CLSTN2: variants seen among roughly 807,000 people sequenced by gnomAD.
The protein encoded by CLSTN2 is calsyntenin-2.
CLSTN2 carries 48 observed loss-of-function variants against 101.2 expected under a neutral mutation model. The ratio of observed to expected loss-of-function variants is 0.47; its 90% confidence interval spans 0.38 to 0.60. The LOEUF (loss-of-function observed/expected upper bound fraction) is 0.60, where lower values mean the gene tolerates loss of function less well. Ranked by LOEUF, CLSTN2 falls within the 20% of genes least tolerant of loss-of-function variation. CLSTN2 has a pLI of 0.00. For synonymous variants in CLSTN2, 481 were observed against 463.6 expected, an observed-to-expected ratio of 1.04 and a Z score of -0.48; for missense variants, 1,160 against 1,238.2, an observed-to-expected ratio of 0.94 and a Z score of 0.95.
rs896645214 is a variant in CLSTN2, at chr3:140,049,972, C to G, written c.109+114489C>G. Among the ~76,000 whole-genome samples the G allele has an allele frequency of 3.9e-5, 6 of 152,178 alleles. No homozygotes were observed. The East Asian group carries it at 1.2e-3, about 29-fold the overall frequency. On this transcript the variant is annotated intron_variant, in intron 1 of 16. Transcript: ENST00000458420. Reference sequence around the variant, plus strand: ...TCTGAGTTCACCTTCTCTCTTGCTTCTGGCTGGGTTTAACCAAAGGAAGGT... The same window carrying G: ...TCTGAGTTCACCTTCTCTCTTGCTTGTGGCTGGGTTTAACCAAAGGAAGGT...
At chr3:140,105,981 C>T (rs144614810) in intron 1 of CLSTN2, among the ~76,000 whole-genome samples, 10 of 152,246 alleles carry the variant, frequency 6.6e-5, no homozygotes, top group African/African-American at 1.9e-4. Flanking sequence ...GCATGGTGGG[C>T]CTGGTTTTAT....
chr3:139,938,214 C>G (rs1935064135), intron 1 of CLSTN2, among the ~76,000 whole-genome samples: 1 of 150,832 alleles, frequency 6.6e-6, no homozygotes, highest in Non-Finnish European at 1.5e-5. Flanking sequence ...TCGTACAATT[C>G]TGTATTCATG....
chr3:139,944,734 T>C (rs898147033), intron 1 of CLSTN2, among the ~76,000 whole-genome samples: 1 of 152,252 alleles, frequency 6.6e-6, no homozygotes, highest in Non-Finnish European at 1.5e-5. Context: ...TGCAGGGCTC[T>C]GTGCCCATGT....
intron 1 of CLSTN2, among the ~76,000 whole-genome samples, chr3:139,975,039 A>AT (rs1312198703): frequency 6.6e-6 from 1 of 152,142 alleles, no homozygotes; most frequent in Non-Finnish European, 1.5e-5. Context: ...GGATATCTCT[A>AT]TGGAGGAGGA....
At chr3:139,958,012 G>A (rs1349269542) in intron 1 of CLSTN2, among the ~76,000 whole-genome samples, 1 of 152,156 alleles carries the variant, frequency 6.6e-6, no homozygotes, top group Non-Finnish European at 1.5e-5. Context: ...GCAGCTGTGA[G>A]GCCCCCGGTT....
chr3:140,201,647 C>T (rs1241639406), intron 2 of CLSTN2, among the ~76,000 whole-genome samples: 3 of 152,060 alleles, frequency 2.0e-5, no homozygotes, highest in South Asian at 2.1e-4. Context: ...ATTTATTAAG[C>T]ACCTACTGTG....
chr3:140,080,368 A>G (rs2008575438), intron 1 of CLSTN2, among the ~76,000 whole-genome samples: 1 of 152,226 alleles, frequency 6.6e-6, no homozygotes, highest in Non-Finnish European at 1.5e-5. Context: ...AGGACTTCAA[A>G]AGAAGTGACT....
intron 2 of CLSTN2, among the ~76,000 whole-genome samples, chr3:140,354,216 T>C (rs1158118854): frequency 1.3e-5 from 2 of 152,300 alleles, no homozygotes; most frequent in East Asian, 1.9e-4. Flanking sequence ...CCTGGTTCCA[T>C]AGGATGTTAC....
chr3:140,032,769 G>A (rs2007580872), intron 1 of CLSTN2, among the ~76,000 whole-genome samples: 1 of 152,228 alleles, frequency 6.6e-6, no homozygotes, highest in African/African-American at 2.4e-5. Flanking sequence ...CTGTTGGTTA[G>A]TCATCTGTGT....
intron 1 of CLSTN2, among the ~76,000 whole-genome samples, chr3:140,124,636 G>C (rs1576435927): frequency 6.6e-6 from 1 of 152,164 alleles, no homozygotes; most frequent in Non-Finnish European, 1.5e-5. Flanking sequence ...AGAAGATTGG[G>C]CCAGGAGGAG....
chr3:140,189,380 G>GA (rs1367291482), intron 2 of CLSTN2, among the ~76,000 whole-genome samples: 1 of 152,112 alleles, frequency 6.6e-6, no homozygotes, highest in African/African-American at 2.4e-5. Flanking sequence ...GTGTATAAGT[G>GA]ATACAGTTTC....
intron 7 of CLSTN2, among the ~76,000 whole-genome samples, chr3:140,463,345 C>T (rs1452081100): frequency 6.6e-6 from 1 of 152,212 alleles, no homozygotes; most frequent in African/African-American, 2.4e-5. Context: ...AGAGAGGGGC[C>T]AACCTTGTTC....
At chr3:140,338,067 T>C (rs2087459602) in intron 2 of CLSTN2, among the ~76,000 whole-genome samples, 1 of 152,080 alleles carries the variant, frequency 6.6e-6, no homozygotes, top group South Asian at 2.1e-4. Context: ...TTTCTAGGCT[T>C]TTTCCCTCAG....
chr3:140,166,231 G>A (rs1467386110), intron 1 of CLSTN2, among the ~76,000 whole-genome samples: 2 of 152,130 alleles, frequency 1.3e-5, no homozygotes, highest in Admixed American at 6.5e-5. Flanking sequence ...AAAGTTTCAA[G>A]GTCTAATACA....
intron 2 of CLSTN2, among the ~76,000 whole-genome samples, chr3:140,219,054 C>T (rs886263008): frequency 3.3e-5 from 5 of 152,070 alleles, no homozygotes; most frequent in Admixed American, 2.6e-4. Flanking sequence ...ACTAGGGCAT[C>T]AACTCCATCC....
intron 1 of CLSTN2, among the ~76,000 whole-genome samples, chr3:140,129,920 A>G (rs992125924): frequency 1.3e-5 from 2 of 152,196 alleles, no homozygotes; most frequent in African/African-American, 4.8e-5. Flanking sequence ...TGTAAATGCA[A>G]CTGGAACCCC....
At chr3:140,156,930 C>G (rs982642019) in intron 1 of CLSTN2, among the ~76,000 whole-genome samples, 5 of 152,040 alleles carry the variant, frequency 3.3e-5, no homozygotes, top group African/African-American at 1.2e-4. Flanking sequence ...TCTCGGAGGA[C>G]CTGGACAAAC....
chr3:139,960,334 C>A (rs1209128690), intron 1 of CLSTN2, among the ~76,000 whole-genome samples: 1 of 152,206 alleles, frequency 6.6e-6, no homozygotes, highest in African/African-American at 2.4e-5. Flanking sequence ...AAGCCCCCCA[C>A]ATTTCCCTTT....
At chr3:140,259,040 C>G (rs1222069506) in intron 2 of CLSTN2, among the ~76,000 whole-genome samples, 1 of 152,042 alleles carries the variant, frequency 6.6e-6, no homozygotes, top group African/African-American at 2.4e-5. Flanking sequence ...AGTTTGGTGT[C>G]TATACCATGC....
Sources: gnomAD v4.1 joint callset for allele counts (sites outside exome capture counted in the v4.1 genomes callset) on GRCh38, gnomAD v4.1.1 for gene constraint, MANE v1.5 for transcripts, NCBI Gene and HGNC (gene_info 2026-07-23, HGNC 2026-07-21) for gene names.